CDH12: variants seen among roughly 807,000 people sequenced by gnomAD.
The protein encoded by CDH12 is cadherin 12.
Under a neutral mutation model 74.1 loss-of-function variants are expected in CDH12, and 41 were observed. The ratio of observed to expected loss-of-function variants is 0.55; its 90% CI spans 0.43 to 0.72. The LOEUF (loss-of-function observed/expected upper bound fraction) is 0.72. CDH12 is among the 30% of genes least tolerant of loss of function. The pLI is 0.00. For synonymous variants in CDH12, 399 were observed against 355.0 expected, an observed-to-expected ratio of 1.12 and a Z score of -1.39; for missense variants, 945 against 977.2, an observed-to-expected ratio of 0.97 and a Z score of 0.44.
chr5:22,529,186 TATAGAGAGAGAGAGAGAGAG>T (rs1379198513), intron 1 of CDH12, among the ~76,000 whole-genome samples: 1 of 69,514 alleles, frequency 1.4e-5, no homozygotes, highest in Non-Finnish European at 3.1e-5. Context: ...TATATATATA[TATAGAGAGAGAGAGAGAGAG>T]AGAGAGAGAG....
chr5:21,757,091 C>T (rs16888479), intron 13 of CDH12, among the ~76,000 whole-genome samples: 5,298 of 152,228 alleles, frequency 0.035, 110 homozygotes, highest in Middle Eastern at 0.071. Flanking sequence ...TGTGTCTGCA[C>T]TTGGGAGAAG....
rs540073481 is a variant in CDH12, at chr5:22,297,826, T to C, written c.-332-85183A>G. On this transcript the variant is annotated intron_variant, in intron 3 of 14. Coordinates refer to ENST00000382254, the MANE Select transcript of CDH12 (RefSeq NM_004061.5). ...ATCTTTAAATTCTGAACTCCATCTT[T>C]TATTCCAATGGAAGGTGTTGATGTA... 2.0e-5 allele frequency among the ~76,000 whole-genome samples: 3 copies of C among 152,262 alleles called. No individual in the cohort carries two copies. In the South Asian group the frequency reaches 6.2e-4, roughly 32 times the overall value.
intron 5 of CDH12, among the ~76,000 whole-genome samples, chr5:22,072,105 C>A (rs992144724): frequency 1.3e-5 from 2 of 152,062 alleles, no homozygotes; most frequent in African/African-American, 4.8e-5. Context: ...CCTATCTCTA[C>A]ACCTTTTTCC....
chr5:22,490,249 T>G (rs188615826), intron 2 of CDH12, among the ~76,000 whole-genome samples: 1 of 152,314 alleles, frequency 6.6e-6, no homozygotes, highest in Admixed American at 6.5e-5. Context: ...TAATTTTGAG[T>G]TGAACCCAGC....
intron 6 of CDH12, among the ~76,000 whole-genome samples, chr5:21,940,397 TATC>T (rs1383827100): frequency 6.6e-6 from 1 of 152,162 alleles, no homozygotes; most frequent in Non-Finnish European, 1.5e-5. Context: ...TGAGCAAAAA[TATC>T]ATTTTATAAT....
Position 21,968,560 on chromosome 5 carries a change from C to T in CDH12, c.526+6531G>A, listed in dbSNP as rs527887067. Among the ~76,000 whole-genome samples, 4 of 152,182 alleles carry T rather than the reference C, an allele frequency of 2.6e-5. No individual in the cohort carries two copies. The East Asian group carries it at 5.8e-4, about 22-fold the overall frequency. ...AGAGGCATGAATAATTATTCACAGG[C>T]GTTGAATATAATCAAATGACTTGCA... On this transcript the variant is annotated intron_variant, in intron 6 of 14. Coordinates refer to ENST00000382254, the MANE Select transcript of CDH12 (RefSeq NM_004061.5).
chr5:22,735,174 C>A (rs1177755800), intron 1 of CDH12, among the ~76,000 whole-genome samples: 1 of 151,890 alleles, frequency 6.6e-6, no homozygotes, highest in Non-Finnish European at 1.5e-5. Context: ...TCGCAACTAC[C>A]TCAACATAAT....
At chr5:22,349,711 C>A (rs1430484741) in intron 3 of CDH12, among the ~76,000 whole-genome samples, 1 of 152,148 alleles carries the variant, frequency 6.6e-6, no homozygotes, top group Non-Finnish European at 1.5e-5. Flanking sequence ...GTGTTTGAAT[C>A]CCTGTCTCAC....
chr5:22,360,598 A>G (rs1437963386), intron 3 of CDH12, among the ~76,000 whole-genome samples: 1 of 152,208 alleles, frequency 6.6e-6, no homozygotes, highest in Non-Finnish European at 1.5e-5. Context: ...CATCATCCTG[A>G]TACCAAAGCC....
chr5:22,038,769 A>G (rs1413373780), intron 5 of CDH12, among the ~76,000 whole-genome samples: 1 of 152,084 alleles, frequency 6.6e-6, no homozygotes, highest in East Asian at 1.9e-4. Flanking sequence ...ACATCACCTC[A>G]TTACCAAAGG....
chr5:22,249,979 C>T (rs2150386743), intron 3 of CDH12, among the ~76,000 whole-genome samples: 1 of 151,652 alleles, frequency 6.6e-6, no homozygotes, highest in East Asian at 1.9e-4. Context: ...GAAAAAGTGT[C>T]ACAAACAAAT....
At chr5:22,370,173 A>G (rs1403857533) in intron 3 of CDH12, among the ~76,000 whole-genome samples, 1 of 152,170 alleles carries the variant, frequency 6.6e-6, no homozygotes, top group Admixed American at 6.5e-5. Context: ...CACATATTCA[A>G]GAGAAATTAT....
chr5:22,244,287 C>G (rs545286907), intron 3 of CDH12, among the ~76,000 whole-genome samples: 1 of 151,842 alleles, frequency 6.6e-6, no homozygotes, highest in Non-Finnish European at 1.5e-5. Context: ...TTCAGGAGTT[C>G]GAGCCCAGTC....
chr5:22,425,156 T>TATATATATATATATAA lies in CDH12; in HGVS notation c.-427-19821_-427-19806dup, dbSNP rs528172587. On this transcript the variant is annotated intron_variant, in intron 2 of 14. Transcript: ENST00000382254. ...AAAATTATATATATGTGTGTGTGTATATATATATATATATAAATATATATA... is the reference window on the plus strand; with the variant it reads ...AAAATTATATATATGTGTGTGTGTATATATATATATATATAAATATATATATATATAAATATATATA... Among the ~76,000 whole-genome samples, 498 of 126,252 alleles carry TATATATATATATATAA rather than the reference T, an allele frequency of 3.9e-3. 1 individual carries two copies. Among genetic ancestry groups the TATATATATATATATAA allele is most frequent in the African/African-American group, 0.014 (465 of 33,850 alleles). The allele number at this position is 126,252 out of a possible 152,430, so 82.8% of individuals were successfully genotyped here. A position where few individuals can be genotyped will look rare whatever the true frequency, so the allele number is the denominator to read the frequency against.
chr5:22,554,603 C>T (rs957541496), intron 1 of CDH12, among the ~76,000 whole-genome samples: 2 of 152,070 alleles, frequency 1.3e-5, no homozygotes. Context: ...TCTAAAACTA[C>T]TGGTGAGTGG....
chr5:21,842,308 G>A lies in CDH12; in HGVS notation c.667C>T (p.Pro223Ser), dbSNP rs115178807. 199 of 1,610,304 alleles carry A rather than the reference G, an allele frequency of 1.2e-4. 1 individual carries two copies. In the African/African-American group the frequency reaches 2.1e-3, roughly 17 times the overall value. ...TCTTTGACTTCTCTGTCCATGTTTG[G>A]CAAAGCTGTTCTAATAACACCTTAA... Reference protein sequence around the residue: ...PKTGVIRTALPNMDREVKEQY... With the variant: ...PKTGVIRTALSNMDREVKEQY... Residue 223 changes from proline (P) to serine (S), a missense_variant, in exon 8 of 15, where the codon CCA (proline) becomes TCA (serine). Pro to Ser is a moderately conservative substitution (Grantham distance 74). Around this residue, in one of 3 missense-constraint regions of CDH12, gnomAD observed 791 missense variants for 792.8 expected, o/e 1.00. Transcript: ENST00000382254.
At chr5:22,494,641 T>C (rs900593742) in intron 2 of CDH12, among the ~76,000 whole-genome samples, 36 of 152,210 alleles carry the variant, frequency 2.4e-4, no homozygotes, top group Non-Finnish European at 4.3e-4. Flanking sequence ...CTGGTTTCAT[T>C]AGATGGCATT....
intron 2 of CDH12, among the ~76,000 whole-genome samples, chr5:22,498,826 C>T (rs1420784129): frequency 6.7e-6 from 1 of 148,702 alleles, no homozygotes; most frequent in Non-Finnish European, 1.5e-5. Context: ...ATAATTATTA[C>T]TAAAAATAAT....
At chr5:22,349,234 A>G (rs1156813021) in intron 3 of CDH12, among the ~76,000 whole-genome samples, 1 of 152,192 alleles carries the variant, frequency 6.6e-6, no homozygotes, top group African/African-American at 2.4e-5. Flanking sequence ...TGTCTAGTCC[A>G]TGGCATTTTG....
Sources: gnomAD v4.1 joint callset for allele counts (sites outside exome capture counted in the v4.1 genomes callset) on GRCh38, gnomAD v4.1.1 for gene constraint, gnomAD v4.1.1 regional missense constraint, MANE v1.5 for transcripts, NCBI Gene and HGNC (gene_info 2026-07-23, HGNC 2026-07-21) for gene names.